CTSB: variants seen among roughly 807,000 people sequenced by gnomAD.
CTSB encodes APP secretase.
Under a neutral mutation model 44.3 loss-of-function variants are expected in CTSB, and 57 were observed. The observed-to-expected ratio is 1.29, with a 90% CI of 1.04 to 1.60. The LOEUF (loss-of-function observed/expected upper bound fraction) is 1.60. Among genes scored for constraint, CTSB ranks in the 40% most tolerant of loss-of-function variants. CTSB has a pLI of 0.00. For synonymous variants in CTSB, 320 were observed against 168.0 expected, an observed-to-expected ratio of 1.91 and a Z score of -7.00; for missense variants, 768 against 443.0, an observed-to-expected ratio of 1.73 and a Z score of -6.59.
chr8:11,845,897 G>A, intron 8 of CTSB, 108 bp from the exon 9 acceptor site: 1 of 1,349,586 alleles, frequency 7.4e-7, no homozygotes, highest in Non-Finnish European at 9.8e-7. Context: ...ACAGCTTCCA[G>A]AGGGAACCTG....
intron 1 of CTSB, among the ~76,000 whole-genome samples, chr8:11,863,677 T>C (rs1312971368): frequency 6.6e-6 from 1 of 152,216 alleles, no homozygotes; most frequent in Admixed American, 6.5e-5. Context: ...TGGGTTACTG[T>C]TGTCCTACAG....
intron 1 of CTSB, among the ~76,000 whole-genome samples, chr8:11,866,677 T>C (rs1005036256): frequency 2.0e-5 from 3 of 152,194 alleles, no homozygotes; most frequent in Non-Finnish European, 2.9e-5. Flanking sequence ...CTGGTCAACA[T>C]GGTGAAACCC....
chr8:11,852,527 A>C, intron 3 of CTSB, 83 bp downstream of exon 3: 1 of 1,066,310 alleles, frequency 9.4e-7, no homozygotes, highest in African/African-American at 1.6e-5. Context: ...GACGCCAGAG[A>C]GGCCTTCACT....
In CTSB at chr8:11,845,117, A is replaced by G. The variant is rs775902914; in HGVS notation, c.*8T>C. 39 of 1,603,672 alleles carry G rather than the reference A, an allele frequency of 2.4e-5. No individual in the cohort carries two copies. The highest frequency in any genetic ancestry group is 3.2e-5 in the Non-Finnish European group (38 of 1,170,582). ...CCCCCAGGACTGGCACGACAGGCCC[A>G]CGGCAGATTAGATCTTTTCCCAGTA... is the stretch of plus-strand genomic sequence containing the variant. On this transcript the variant is annotated 3_prime_UTR_variant, in exon 10 of 10. Transcript: ENST00000353047.
rs951922895 is a variant in CTSB, at chr8:11,843,384, G to C, written c.*1741C>G. The C allele has an allele frequency of 5.3e-5, 8 of 152,160 alleles. No individual in the cohort carries two copies. Among genetic ancestry groups the C allele is most frequent in the African/African-American group, 1.9e-4 (8 of 41,416 alleles). 9.4% of individuals were successfully genotyped at this position (152,160 alleles called of 1,614,324 possible). A position where few individuals can be genotyped will look rare whatever the true frequency, so the allele number is the denominator to read the frequency against. On this transcript the variant is annotated 3_prime_UTR_variant, in exon 10 of 10. Coordinates refer to ENST00000353047, the MANE Select transcript of CTSB (RefSeq NM_001908.5). The stretch of plus-strand genomic sequence containing the variant: ...CAGAAGCCAAACTTGAATGCTTTTG[G>C]AAAGAGCTAGCCTCATACCACTTCA...
rs766129960 is a variant in CTSB at position 11,848,021 on chromosome 8, TCAAA to T, written c.532+42_532+45del. The T allele has an allele frequency of 6.7e-6, 10 of 1,495,286 alleles. No individual in the cohort carries two copies. The South Asian group carries it at 1.1e-4, about 16-fold the overall frequency. 92.6% of individuals were successfully genotyped at this position (1,495,286 alleles called of 1,614,324 possible). On this transcript the variant is annotated intron_variant, in intron 6 of 9. Coordinates refer to ENST00000353047, the MANE Select transcript of CTSB (RefSeq NM_001908.5). Reference sequence around the variant, plus strand: ...AAATAAAGCCATGATGGTTAATTGCTCAAACAATCCATCTGGCCAGAAAGTGGCC... The same window carrying T: ...AAATAAAGCCATGATGGTTAATTGCTCAATCCATCTGGCCAGAAAGTGGCC...
At chr8:11,852,030 A>G (rs1258655938) in intron 3 of CTSB, among the ~76,000 whole-genome samples, 1 of 152,212 alleles carries the variant, frequency 6.6e-6, no homozygotes, top group Non-Finnish European at 1.5e-5. Context: ...CATAGTGGGG[A>G]CCCAGACCTT....
chr8:11,847,116 G>A lies in CTSB; in HGVS notation c.729C>T (p.Ile243=). Reference sequence around the variant, plus strand: ...CTCCCTCCACGGGGCCGTTTTTGTAGATCTCGGCCATGATGTCCTTCTCGC... The same window carrying A: ...CTCCCTCCACGGGGCCGTTTTTGTAAATCTCGGCCATGATGTCCTTCTCGC... ...SNSEKDIMAE[I]YKNGPVEGAF... The change falls in exon 8 of 10, where the codon ATC becomes ATT. Residue 243 remains isoleucine (I), a synonymous_variant. Coordinates refer to ENST00000353047, the MANE Select transcript of CTSB (RefSeq NM_001908.5). 2 of 1,613,434 alleles carry A rather than the reference G, an allele frequency of 1.2e-6. No homozygotes were observed. The highest frequency in any genetic ancestry group is 1.1e-5 in the South Asian group (1 of 91,068).
chr8:11,848,205 C>T lies in CTSB; in HGVS notation c.447-53G>A. 4 of 1,504,674 alleles carry T rather than the reference C, an allele frequency of 2.7e-6. No homozygotes were observed. In the African/African-American group the frequency reaches 4.1e-5, roughly 15 times the overall value. The allele number at this position is 1,504,674 out of a possible 1,614,324, so 93.2% of individuals were successfully genotyped here. A position where few individuals can be genotyped will look rare whatever the true frequency, so the allele number is the denominator to read the frequency against. On this transcript the variant is annotated intron_variant, in intron 5 of 9. Coordinates refer to ENST00000353047, the MANE Select transcript of CTSB (RefSeq NM_001908.5). Reference sequence around the variant, plus strand: ...TCTGAGAGAAGCACCACCAGCTCTCCAGACCACTGTGTGCTACCCAAGTGC... The same window carrying T: ...TCTGAGAGAAGCACCACCAGCTCTCTAGACCACTGTGTGCTACCCAAGTGC...
In CTSB at chr8:11,845,702, C is replaced by T. The variant is rs971618078; in HGVS notation, c.881G>A (p.Trp294Ter). Residue 294 changes from tryptophan (W) to a stop codon, truncating the protein, a stop_gained, in exon 9 of 10, where the codon TGG becomes TAG. Transcript: ENST00000353047. LOFTEE classifies it high-confidence loss of function. ...AGTGTTCCAGGAGTTGGCAACCAGC[C>T]AGTAGGGTGTGCCATTCTCCACTCC... Reference protein sequence around the residue: ...GWGVENGTPYWLVANSWNTDW... With the variant: ...GWGVENGTPY 6.2e-7 allele frequency: 1 copy of T among 1,614,144 alleles called. No individual in the cohort carries two copies. Among genetic ancestry groups the T allele is most frequent in the South Asian group, 1.1e-5 (1 of 91,078 alleles).
At chr8:11,847,266 G>A (rs563400644) in intron 7 of CTSB, 98 bp from the exon 8 acceptor site, 57 of 788,438 alleles carry the variant, frequency 7.2e-5, no homozygotes, top group African/African-American at 4.1e-4. Flanking sequence ...GCCTCCAGGG[G>A]AAGACTGCAT....
chr8:11,845,868 C>G, intron 8 of CTSB, 79 bp from the exon 9 acceptor site: 1 of 1,467,048 alleles, frequency 6.8e-7, no homozygotes, highest in Non-Finnish European at 9.1e-7. Context: ...CTCAGCTGGT[C>G]ATGCTCCGGG....
chr8:11,852,272 G>A (rs553413145), intron 3 of CTSB, among the ~76,000 whole-genome samples: 37 of 152,272 alleles, frequency 2.4e-4, no homozygotes, highest in African/African-American at 8.7e-4. Flanking sequence ...TCAGGAGGCT[G>A]TGGCATGAGA....
At chr8:11,846,822 G>A (rs1015370209) in intron 8 of CTSB, among the ~76,000 whole-genome samples, 3 of 152,098 alleles carry the variant, frequency 2.0e-5, no homozygotes, top group Non-Finnish European at 4.4e-5. Flanking sequence ...CAGAGGCTCT[G>A]GGAGAGGCCT....
intron 1 of CTSB, among the ~76,000 whole-genome samples, chr8:11,856,993 C>T (rs1480101177): frequency 6.6e-6 from 1 of 152,128 alleles, no homozygotes; most frequent in Non-Finnish European, 1.5e-5. Context: ...AGAGCATTTC[C>T]AATTTGGTCT....
intron 1 of CTSB, among the ~76,000 whole-genome samples, chr8:11,862,641 G>T (rs979289456): frequency 1.3e-5 from 2 of 152,252 alleles, no homozygotes; most frequent in African/African-American, 4.8e-5. Context: ...CTCTGATGTG[G>T]TTTGATGATA....
chr8:11,866,404 A>T (rs908260072), intron 1 of CTSB, among the ~76,000 whole-genome samples: 1 of 152,218 alleles, frequency 6.6e-6, no homozygotes, highest in African/African-American at 2.4e-5. Flanking sequence ...GGAGCAAGGG[A>T]CCTGTGCCTT....
chr8:11,851,483 C>G (rs890201999), intron 3 of CTSB, among the ~76,000 whole-genome samples: 4 of 152,152 alleles, frequency 2.6e-5, no homozygotes, highest in African/African-American at 9.7e-5. Context: ...ATCCACCACA[C>G]CTGGCCTGAC....
In CTSB at chr8:11,845,733, C is replaced by G; in HGVS notation, c.850G>C (p.Gly284Arg). The stretch of plus-strand genomic sequence containing the variant: ...GGTGTGCCATTCTCCACTCCCCAGC[C>G]CAGGATGCGGATGGCATGGCCACCC... ...MMGGHAIRIL[G>R]WGVENGTPYW... The change falls in exon 9 of 10, where the codon GGC (glycine) becomes CGC (arginine). Residue 284 changes from glycine to arginine, a missense_variant. Transcript: ENST00000353047. 6.2e-7 allele frequency: 1 copy of G among 1,614,144 alleles called. No individual in the cohort carries two copies. Among genetic ancestry groups the G allele is most frequent in the Non-Finnish European group, 8.5e-7 (1 of 1,179,982 alleles).
Sources: gnomAD v4.1 joint callset for allele counts (sites outside exome capture counted in the v4.1 genomes callset) on GRCh38, gnomAD v4.1.1 for gene constraint, MANE v1.5 for transcripts, NCBI Gene and HGNC (gene_info 2026-07-23, HGNC 2026-07-21) for gene names.